Variants in WDFY4 observed in about 807,000 individuals in gnomAD.
WDFY4 encodes WDFY family member 4.
WDFY4 carries 169 observed loss-of-function variants against 351.9 expected under a neutral mutation model. The ratio of observed to expected loss-of-function variants is 0.48; its 90% CI spans 0.42 to 0.55. WDFY4 has a LOEUF of 0.55. WDFY4 is among the 20% of genes least tolerant of loss of function. The pLI is 0.00. For synonymous variants in WDFY4, 1,622 were observed against 1,574.6 expected (o/e 1.03, Z -0.71); for missense variants, 3,803 against 3,935.6 (o/e 0.97, Z 0.90).
At chr10:48,924,648 G>A (rs1839419873) in intron 47 of WDFY4, among the ~76,000 whole-genome samples, 1 of 152,094 alleles carries the variant, frequency 6.6e-6, no homozygotes, top group South Asian at 2.1e-4. Context: ...GGAAAAAGTG[G>A]CCCAGTTGGT....
intron 13 of WDFY4, among the ~76,000 whole-genome samples, chr10:48,761,435 G>A (rs1287473462): frequency 2.6e-5 from 4 of 152,192 alleles, no homozygotes; most frequent in African/African-American, 9.7e-5. Flanking sequence ...TCTGCCTGCG[G>A]TCCATGTGAT....
intron 37 of WDFY4, 95 bp from the exon 38 acceptor site, chr10:48,830,605 G>T: frequency 7.4e-7 from 1 of 1,348,406 alleles, no homozygotes. Flanking sequence ...AGTGAGAAGG[G>T]TGTGGGTAAA....
intron 1 of WDFY4, among the ~76,000 whole-genome samples, chr10:48,700,634 A>G (rs1045266363): frequency 1.3e-5 from 2 of 152,232 alleles, no homozygotes; most frequent in Non-Finnish European, 2.9e-5. Flanking sequence ...ACGCCCAGGG[A>G]TGCTGCGCAA....
chr10:48,873,376 A>G (rs2069859638), intron 40 of WDFY4, 115 bp from the exon 41 acceptor site: 1 of 1,167,326 alleles, frequency 8.6e-7, no homozygotes, highest in Non-Finnish European at 1.2e-6. Flanking sequence ...GAGAGAAGGT[A>G]TCTTTCTCAA....
intron 47 of WDFY4, among the ~76,000 whole-genome samples, chr10:48,920,401 G>T (rs2133577592): frequency 6.6e-6 from 1 of 152,170 alleles, no homozygotes; most frequent in South Asian, 2.1e-4. Context: ...AGCATTAGGA[G>T]ATATACCTAA....
In WDFY4 at chr10:48,731,139, C is replaced by T; in HGVS notation, c.1159C>T (p.Gln387Ter). 6.5e-7 allele frequency: 1 copy of T among 1,548,922 alleles called. No individual in the cohort carries two copies. Among genetic ancestry groups the T allele is most frequent in the South Asian group, 1.2e-5 (1 of 83,826 alleles). Reference protein sequence around the residue: ...GVTVKNLQAFQVLQNVFHKAS... With the variant: ...GVTVKNLQAF ...GACTGTTAAGAATCTTCAGGCCTTC[C>T]AGGTCCTACAGAATGTTTTCCACAA... The change falls in exon 9 of 62, where the codon CAG becomes TAG. Residue 387 changes from glutamine to a stop codon, truncating the protein, a stop_gained. Transcript: ENST00000325239. LOFTEE classifies it high-confidence loss of function.
At chr10:48,746,160 T>G (rs1488859927) in intron 12 of WDFY4, 3 of 152,590 alleles carry the variant, frequency 2.0e-5, no homozygotes, top group African/African-American at 7.2e-5. Flanking sequence ...AAATGGTGTA[T>G]CAGTTATTGA....
intron 39 of WDFY4, among the ~76,000 whole-genome samples, chr10:48,835,837 T>TA: frequency 6.6e-6 from 1 of 152,226 alleles, no homozygotes; most frequent in Non-Finnish European, 1.5e-5. Context: ...GACACATTAT[T>TA]TTGGAAACAA....
chr10:48,974,993 GC>G lies in WDFY4; in HGVS notation c.9063del (p.Ala3022ProfsTer49). ...ACCACCTCACCCACGTGACCCGCCT[GC>G]CCGCCCATCGGGAAGGCATCTCAGC... ...LDHLTHVTRL[P>X]AHREGISAIT... On this transcript the variant is annotated frameshift_variant, in exon 58 of 62. Transcript: ENST00000325239. LOFTEE classifies it high-confidence loss of function. The G allele has an allele frequency of 6.4e-7, 1 of 1,551,690 alleles. No homozygotes were observed. The highest frequency in any genetic ancestry group is 1.2e-5 in the South Asian group (1 of 84,056).
At chr10:48,901,263 T>G (rs781196654) in intron 46 of WDFY4, among the ~76,000 whole-genome samples, 4 of 152,234 alleles carry the variant, frequency 2.6e-5, no homozygotes, top group Admixed American at 6.5e-5. Context: ...AAGGCCTAGT[T>G]TAGACCAAAC....
chr10:48,964,532 G>T (rs1255495995), intron 54 of WDFY4, among the ~76,000 whole-genome samples: 1 of 152,192 alleles, frequency 6.6e-6, no homozygotes, highest in Non-Finnish European at 1.5e-5. Flanking sequence ...TAAATACCTT[G>T]CCTAGAATTA....
intron 42 of WDFY4, among the ~76,000 whole-genome samples, chr10:48,876,242 C>T (rs1209967366): frequency 6.6e-6 from 1 of 152,210 alleles, no homozygotes; most frequent in Non-Finnish European, 1.5e-5. Flanking sequence ...CAGACACTTT[C>T]AATCATCCAG....
At chr10:48,761,443 G>T (rs982956644) in intron 13 of WDFY4, among the ~76,000 whole-genome samples, 3 of 152,208 alleles carry the variant, frequency 2.0e-5, no homozygotes, top group African/African-American at 7.2e-5. Flanking sequence ...CGGTCCATGT[G>T]ATGTGTGGTG....
intron 47 of WDFY4, among the ~76,000 whole-genome samples, chr10:48,937,056 G>C (rs1382294021): frequency 6.6e-6 from 1 of 151,682 alleles, no homozygotes; most frequent in Non-Finnish European, 1.5e-5. Context: ...ACCACGCCTG[G>C]CTAATTTTTG....
At chr10:48,822,347 ACT>A in intron 34 of WDFY4, 31 bp from the exon 35 acceptor site, 1 of 1,500,728 alleles carries the variant, frequency 6.7e-7, no homozygotes. Context: ...GTCCATTTAG[ACT>A]CTCACCTCCA....
intron 47 of WDFY4, among the ~76,000 whole-genome samples, chr10:48,930,507 G>A (rs748683780): frequency 6.6e-6 from 1 of 152,156 alleles, no homozygotes; most frequent in Non-Finnish European, 1.5e-5. Context: ...TTAGGCCAAG[G>A]GGAGAAGGAT....
chr10:48,893,224 C>T (rs768255825), intron 44 of WDFY4, among the ~76,000 whole-genome samples: 26 of 152,322 alleles, frequency 1.7e-4, no homozygotes, highest in Middle Eastern at 3.4e-3. Flanking sequence ...TGTCTATCTC[C>T]GTGTCCAAAT....
intron 36 of WDFY4, among the ~76,000 whole-genome samples, chr10:48,827,355 C>G (rs1036993153): frequency 4.6e-5 from 7 of 151,614 alleles, no homozygotes; most frequent in African/African-American, 1.5e-4. Flanking sequence ...CAATGTATGA[C>G]ATAAAATCAC....
intron 47 of WDFY4, among the ~76,000 whole-genome samples, chr10:48,902,642 C>A (rs1043692457): frequency 6.6e-6 from 1 of 151,788 alleles, no homozygotes; most frequent in South Asian, 2.1e-4. Context: ...ATCCCCTGTC[C>A]TTATTGAGTT....
Sources: allele counts gnomAD v4.1 joint callset (sites outside exome capture counted in the v4.1 genomes callset), GRCh38; gene constraint gnomAD v4.1.1; transcripts MANE v1.5; gene names NCBI Gene and HGNC (gene_info 2026-07-23, HGNC 2026-07-21).